Variants in MICU1 observed in about 807,000 individuals in gnomAD.
MICU1 encodes the protein mitochondrial calcium uptake 1.
A neutral mutation model predicts 56.8 loss-of-function variants in MICU1; 45 were observed. That is an observed-to-expected ratio of 0.79 (90% CI 0.62 to 1.02). The LOEUF is 1.02. Ranked by LOEUF, MICU1 falls within the 50% of genes least tolerant of loss-of-function variation. The probability of loss-of-function intolerance (pLI) is 0.00; values close to 1 mark genes in which losing one functional copy is unlikely to be tolerated. For missense variants in MICU1, 504 were observed against 587.1 expected (o/e 0.86, Z 1.46); for synonymous variants, 186 against 195.1 (o/e 0.95, Z 0.39).
At chr10:72,470,714 G>T (rs182189149) in intron 8 of MICU1, among the ~76,000 whole-genome samples, 1 of 152,126 alleles carries the variant, frequency 6.6e-6, no homozygotes, top group African/African-American at 2.4e-5. Flanking sequence ...TGATCGGGGG[G>T]GGTGAGGTGG....
intron 6 of MICU1, among the ~76,000 whole-genome samples, chr10:72,485,387 T>C (rs1010132455): frequency 6.6e-6 from 1 of 152,034 alleles, no homozygotes. Flanking sequence ...CAAATAATCA[T>C]TATTAATACA....
Position 72,508,230 on chromosome 10 carries a change from T to A in MICU1, c.577A>T (p.Ser193Cys), listed in dbSNP as rs1362486717. The change falls in exon 6 of 12, where the codon AGT (serine) becomes TGT (cysteine). Residue 193 changes from serine (S) to cysteine (C), a missense_variant. Coordinates refer to ENST00000361114, the MANE Select transcript of MICU1 (RefSeq NM_001195518.2). Reference sequence around the variant, plus strand: ...CATTCTCCAAGGGTGTAAAATATACTGCCTTCATCAGCAAATTTTTCTCGT... The same window carrying A: ...CATTCTCCAAGGGTGTAAAATATACAGCCTTCATCAGCAAATTTTTCTCGT... ...QEREKFADEG[S>C]IFYTLGECGL... 6.5e-7 allele frequency: 1 copy of A among 1,535,226 alleles called. No homozygotes were observed. Among genetic ancestry groups the A allele is most frequent in the Non-Finnish European group, 8.9e-7 (1 of 1,127,706 alleles).
chr10:72,398,662 A>G (rs970629204), intron 10 of MICU1, among the ~76,000 whole-genome samples: 1 of 152,200 alleles, frequency 6.6e-6, no homozygotes, highest in African/African-American at 2.4e-5. Flanking sequence ...TACTACAAAC[A>G]CCTCTACACA....
chr10:72,561,306 A>C (rs1840288793), intron 3 of MICU1, among the ~76,000 whole-genome samples: 1 of 152,218 alleles, frequency 6.6e-6, no homozygotes, highest in South Asian at 2.1e-4. Context: ...TTTTAGCTGT[A>C]TTTTACGAAA....
chr10:72,569,237 ATTTTTTT>A (rs1178823534), intron 1 of MICU1, among the ~76,000 whole-genome samples: 1 of 34,392 alleles, frequency 2.9e-5, no homozygotes, highest in African/African-American at 1.1e-4. Context: ...ATATATATAT[ATTTTTTT>A]TTTTTTTTGA....
chr10:72,609,773 C>T (rs1362392837), intron 1 of MICU1, among the ~76,000 whole-genome samples: 1 of 149,296 alleles, frequency 6.7e-6, no homozygotes, highest in Non-Finnish European at 1.5e-5. Flanking sequence ...TGGTGGCTCA[C>T]GTCTGTAATT....
At chr10:72,524,708 T>A (rs1046290899) in intron 5 of MICU1, 1 of 1,231,086 alleles carries the variant, frequency 8.1e-7, no homozygotes, top group African/African-American at 1.6e-5. Context: ...ATTAAGTAAT[T>A]TAAAGCACAT....
In MICU1 at chr10:72,368,088, G is replaced by C. The variant is rs1397451513; in HGVS notation, c.*107C>G. ...ACAGAGTCCTGAGGTCATCCCGGGA[G>C]GAAGGGGGACTACTTCCAGAAGCAG... is the stretch of plus-strand genomic sequence containing the variant. On this transcript the variant is annotated 3_prime_UTR_variant, in exon 12 of 12. Coordinates refer to ENST00000361114, the MANE Select transcript of MICU1 (RefSeq NM_001195518.2). 8 of 1,212,744 alleles carry C rather than the reference G, an allele frequency of 6.6e-6. No homozygotes were observed. The East Asian group carries it at 1.8e-4, about 27-fold the overall frequency. 75.1% of individuals were successfully genotyped at this position (1,212,744 alleles called of 1,614,324 possible).
chr10:72,551,037 G>A, intron 4 of MICU1, 142 bp downstream of exon 4: 1 of 838,362 alleles, frequency 1.2e-6, no homozygotes, highest in South Asian at 2.8e-5. Flanking sequence ...CTAAAGCCTA[G>A]CACAATGCCT....
chr10:72,599,109 G>C (rs1026241871), intron 1 of MICU1, among the ~76,000 whole-genome samples: 11 of 152,168 alleles, frequency 7.2e-5, no homozygotes, highest in Non-Finnish European at 1.5e-4. Context: ...CAGAGCTTCT[G>C]TCTGGCAAGC....
intron 1 of MICU1, among the ~76,000 whole-genome samples, chr10:72,605,783 G>A (rs1447471322): frequency 6.6e-6 from 1 of 152,168 alleles, no homozygotes; most frequent in East Asian, 1.9e-4. Context: ...ATCCGAGGGG[G>A]TCCTGGAACC....
intron 10 of MICU1, among the ~76,000 whole-genome samples, chr10:72,400,962 C>CTAT (rs144504874): frequency 3.3e-4 from 50 of 150,650 alleles, no homozygotes; most frequent in African/African-American, 1.0e-3. Context: ...AGTGGAAATG[C>CTAT]TATTATTATT....
At chr10:72,428,590 C>T (rs992978535) in intron 8 of MICU1, among the ~76,000 whole-genome samples, 1 of 152,058 alleles carries the variant, frequency 6.6e-6, no homozygotes, top group Non-Finnish European at 1.5e-5. Flanking sequence ...GGATTACAGG[C>T]GTGAGACACT....
chr10:72,612,229 T>C (rs192956365), intron 1 of MICU1, among the ~76,000 whole-genome samples: 7 of 151,792 alleles, frequency 4.6e-5, no homozygotes, highest in Admixed American at 4.6e-4. Context: ...TTTCTTATAG[T>C]AGAACTCCAG....
chr10:72,477,961 A>G (rs1420080970), intron 6 of MICU1, among the ~76,000 whole-genome samples: 1 of 151,218 alleles, frequency 6.6e-6, no homozygotes, highest in African/African-American at 2.4e-5. Context: ...CTCCGCCTCC[A>G]GGGTTGAAGT....
At chr10:72,561,696 C>T (rs1340711501) in intron 3 of MICU1, among the ~76,000 whole-genome samples, 1 of 152,162 alleles carries the variant, frequency 6.6e-6, no homozygotes, top group Non-Finnish European at 1.5e-5. Context: ...CCTGTAATCC[C>T]AGCTATTGGG....
intron 10 of MICU1, among the ~76,000 whole-genome samples, chr10:72,403,646 T>TGTGC (rs1376694356): frequency 6.6e-6 from 1 of 151,380 alleles, no homozygotes; most frequent in Non-Finnish European, 1.5e-5. Context: ...TGTGTGTGTG[T>TGTGC]GTGTGTGTGT....
At chr10:72,425,277 C>G (rs555708297) in intron 8 of MICU1, among the ~76,000 whole-genome samples, 4 of 152,184 alleles carry the variant, frequency 2.6e-5, no homozygotes, top group Non-Finnish European at 5.9e-5. Flanking sequence ...GGGGCAATCC[C>G]GTATGTTGGA....
At chr10:72,430,798 G>A (rs1168356735) in intron 8 of MICU1, among the ~76,000 whole-genome samples, 1 of 152,162 alleles carries the variant, frequency 6.6e-6, no homozygotes, top group Non-Finnish European at 1.5e-5. Flanking sequence ...GACCTCAGGT[G>A]ATCCGCCAGC....
Sources: gnomAD v4.1 joint callset for allele counts (sites outside exome capture counted in the v4.1 genomes callset) on GRCh38, gnomAD v4.1.1 for gene constraint, MANE v1.5 for transcripts, NCBI Gene and HGNC (gene_info 2026-07-23, HGNC 2026-07-21) for gene names.